The following C11orf65 variants were observed in gnomAD, a reference collection of about 807,000 sequenced individuals.
The protein encoded by C11orf65 is protein MFI.
Under a neutral mutation model 35.3 loss-of-function variants are expected in C11orf65, and 38 were observed. That is an observed-to-expected ratio of 1.08 (90% CI 0.83 to 1.41). C11orf65 has a LOEUF of 1.41. Ranked by LOEUF, C11orf65 falls within the 40% of genes most tolerant of loss-of-function variation. The pLI is 0.00. For missense variants in C11orf65, 370 were observed against 367.1 expected (o/e 1.01, Z -0.06); for synonymous variants, 105 against 114.4 (o/e 0.92, Z 0.53).
At chr11:108,356,129 TAAG>T (rs2089893515) in intron 2 of C11orf65, 1 of 152,206 alleles carries the variant, frequency 6.6e-6, no homozygotes, top group South Asian at 2.1e-4. Context: ...GAATAAATGA[TAAG>T]AAAATAAGCA....
intron 2 of C11orf65, 33 bp downstream of exon 2, chr11:108,461,446 T>C: frequency 6.7e-7 from 1 of 1,490,998 alleles, no homozygotes; most frequent in Non-Finnish European, 9.2e-7. Flanking sequence ...GACATAAAAA[T>C]TATATTTCAA....
intron 2 of C11orf65, among the ~76,000 whole-genome samples, chr11:108,442,316 G>A (rs894569786): frequency 4.6e-5 from 7 of 152,148 alleles, no homozygotes; most frequent in Admixed American, 3.3e-4. Context: ...TAAGAAATGT[G>A]GGACTATGTG....
At chr11:108,410,407 A>C (rs2092633121) in intron 3 of C11orf65, among the ~76,000 whole-genome samples, 1 of 152,208 alleles carries the variant, frequency 6.6e-6, no homozygotes, top group African/African-American at 2.4e-5. Flanking sequence ...TTTTATTTGC[A>C]TAGTGGCACC....
At chr11:108,373,518 G>A (rs191522850) in intron 2 of C11orf65, among the ~76,000 whole-genome samples, 109 of 152,304 alleles carry the variant, frequency 7.2e-4, no homozygotes, top group African/African-American at 2.1e-3. Flanking sequence ...AAGACATACC[G>A]TTTTAAAAAG....
intron 2 of C11orf65, among the ~76,000 whole-genome samples, chr11:108,359,528 T>A (rs905160728): frequency 2.6e-5 from 4 of 151,968 alleles, no homozygotes; most frequent in Non-Finnish European, 2.9e-5. Context: ...TATTCCAAAA[T>A]TGACCCCATA....
chr11:108,458,534 G>T (rs1451221155), intron 2 of C11orf65, among the ~76,000 whole-genome samples: 2 of 151,980 alleles, frequency 1.3e-5, no homozygotes, highest in Non-Finnish European at 2.9e-5. Flanking sequence ...GTTTCCCCCA[G>T]GTGTGGGTGA....
At chr11:108,430,242 C>T (rs2092966667) in intron 3 of C11orf65, among the ~76,000 whole-genome samples, 1 of 150,408 alleles carries the variant, frequency 6.6e-6, no homozygotes, top group Non-Finnish European at 1.5e-5. Context: ...CATTCTCCTG[C>T]CTCAGCCTCC....
At chr11:108,370,152 A>G (rs1480685602) in intron 2 of C11orf65, among the ~76,000 whole-genome samples, 1 of 152,082 alleles carries the variant, frequency 6.6e-6, no homozygotes, top group Admixed American at 6.6e-5. Context: ...GAGATCTTGT[A>G]TAGTTTTACT....
chr11:108,424,815 C>T (rs1206216695), intron 3 of C11orf65, among the ~76,000 whole-genome samples: 1 of 152,192 alleles, frequency 6.6e-6, no homozygotes, highest in Non-Finnish European at 1.5e-5. Flanking sequence ...TCTCTCAGAC[C>T]ACAGTGCAAT....
At chr11:108,439,044 C>A (rs1011633356) in intron 2 of C11orf65, among the ~76,000 whole-genome samples, 4 of 151,916 alleles carry the variant, frequency 2.6e-5, no homozygotes, top group African/African-American at 9.7e-5. Context: ...TCAAAGGACA[C>A]TAACAAGAGA....
chr11:108,391,022 T>C (rs1468169954), intron 7 of C11orf65, among the ~76,000 whole-genome samples: 1 of 152,162 alleles, frequency 6.6e-6, no homozygotes, highest in Non-Finnish European at 1.5e-5. Flanking sequence ...TCCCCCTTTT[T>C]CTTCATTTAT....
Position 108,317,511 on chromosome 11 carries a change from A to G in C11orf65, c.641-8440T>C, listed in dbSNP as rs1555114835. 1.2e-6 allele frequency: 2 copies of G among 1,607,724 alleles called. No homozygotes were observed. Among genetic ancestry groups the G allele is most frequent in the Non-Finnish European group, 1.7e-6 (2 of 1,177,720 alleles). On this transcript the variant is annotated intron_variant, in intron 6 of 6. Coordinates refer to the C11orf65 transcript ENST00000525729. ...GAGGAATATGCAGTGGGACCATTGC[A>G]CTTCCGTCAGGTAAGAAATTTGACT...
intron 2 of C11orf65, among the ~76,000 whole-genome samples, chr11:108,370,973 C>G (rs1201933435): frequency 6.6e-6 from 1 of 151,928 alleles, no homozygotes; most frequent in Admixed American, 6.6e-5. Flanking sequence ...GTAATAAAAT[C>G]AGGAAAATAG....
chr11:108,376,132 G>A (rs979179680), intron 2 of C11orf65, among the ~76,000 whole-genome samples: 53 of 152,004 alleles, frequency 3.5e-4, no homozygotes, highest in African/African-American at 1.2e-3. Flanking sequence ...TGCACCAAGC[G>A]GACCTAATAG....
chr11:108,423,485 C>T (rs1367787740), intron 3 of C11orf65, among the ~76,000 whole-genome samples: 1 of 152,184 alleles, frequency 6.6e-6, no homozygotes, highest in Non-Finnish European at 1.5e-5. Context: ...GGTGTAGCTT[C>T]AGCAGACTTA....
At chr11:108,333,018 C>T in intron 3 of C11orf65, 1 of 1,298,520 alleles carries the variant, frequency 7.7e-7, no homozygotes. Context: ...AATCCAAAAG[C>T]TTAATTTATA....
rs552105142 is a variant in C11orf65, at chr11:108,311,873, A to G, written c.641-2802T>C. On this transcript the variant is annotated intron_variant, in intron 6 of 6. Coordinates refer to the C11orf65 transcript ENST00000525729. ...CAGAACTGAATGTTATATGTATAAA[A>G]TGCATAAAGTTAAGGCCTTGAAGTA... Among the ~76,000 whole-genome samples, 3 of 152,324 alleles carry G rather than the reference A, an allele frequency of 2.0e-5. No homozygotes were observed. In the South Asian group the frequency reaches 6.2e-4, roughly 32 times the overall value.
chr11:108,402,647 T>C lies in C11orf65; in HGVS notation c.560+2782A>G, dbSNP rs561740144. Among the ~76,000 whole-genome samples the C allele has an allele frequency of 6.1e-5, 9 of 148,398 alleles. No individual in the cohort carries two copies. The East Asian group carries it at 1.2e-3, about 19-fold the overall frequency. On this transcript the variant is annotated intron_variant, in intron 6 of 8. Transcript: ENST00000393084. ...AATTGTACAATGTACAGTTTTGACA[T>C]GTCTATATACCTGTAAATCCATCAC...
chr11:108,336,872 A>G (rs780697187), intron 2 of C11orf65, among the ~76,000 whole-genome samples: 6 of 151,982 alleles, frequency 3.9e-5, no homozygotes, highest in Non-Finnish European at 7.3e-5. Context: ...CCAGTTTAGA[A>G]ATAACAATAA....
Sources: gnomAD v4.1 joint callset for allele counts (sites outside exome capture counted in the v4.1 genomes callset) on GRCh38, gnomAD v4.1.1 for gene constraint, MANE v1.5 for transcripts, NCBI Gene and HGNC (gene_info 2026-07-23, HGNC 2026-07-21) for gene names.